CTNS: variants seen among roughly 807,000 people sequenced by gnomAD.
CTNS encodes cystinosin.
Under a neutral mutation model 43.7 loss-of-function variants are expected in CTNS, and 27 were observed. The observed-to-expected ratio is 0.62, with a 90% CI of 0.46 to 0.85. The LOEUF (loss-of-function observed/expected upper bound fraction) is 0.85, where lower values mean the gene tolerates loss of function less well. CTNS is among the 40% of genes least tolerant of loss of function. The pLI is 0.00. For missense variants in CTNS, 457 were observed against 475.4 expected, an observed-to-expected ratio of 0.96 and a Z score of 0.36; for synonymous variants, 187 against 190.6, an observed-to-expected ratio of 0.98 and a Z score of 0.16.
intron 5 of CTNS, chr17:3,650,542 C>T (rs1159250378): frequency 2.0e-6 from 1 of 500,272 alleles, no homozygotes; most frequent in Non-Finnish European, 3.3e-6. Context: ...GAGGGGATCT[C>T]GGAGTGTCCA....
At chr17:3,640,410 G>GTCTGCTCCACCACCCCA in intron 3 of CTNS, 143 bp downstream of exon 3, 2 of 953,162 alleles carry the variant, frequency 2.1e-6, no homozygotes, top group Non-Finnish European at 3.4e-6. Context: ...TGGCCACTGG[G>GTCTGCTCCACCACCCCA]GTGGTGGAGC....
chr17:3,645,689 A>C (rs1212900477), intron 3 of CTNS, among the ~76,000 whole-genome samples: 1 of 151,814 alleles, frequency 6.6e-6, no homozygotes, highest in African/African-American at 2.4e-5. Flanking sequence ...GTGAAACCTC[A>C]TCTCTACTAA....
At position 3,658,844 on chromosome 17, in the gene CTNS, C is replaced by A. The variant is rs368896926; in HGVS notation, c.852+669C>A. Among the ~76,000 whole-genome samples, 173 of 152,242 alleles carry A rather than the reference C, an allele frequency of 1.1e-3. 3 individuals carry two copies. In the South Asian group the frequency reaches 0.021, roughly 18 times the overall value. On this transcript the variant is annotated intron_variant, in intron 10 of 11. Coordinates refer to ENST00000046640, the MANE Select transcript of CTNS (RefSeq NM_004937.3). The stretch of plus-strand genomic sequence containing the variant: ...AAGTTCTGTGGCCAAGGAGCCCGGG[C>A]GTTCCGGGCCAGGCCAGCCTGCACA...
chr17:3,653,416 CAT>C (rs2076039112), intron 5 of CTNS, among the ~76,000 whole-genome samples: 1 of 152,030 alleles, frequency 6.6e-6, no homozygotes, highest in Non-Finnish European at 1.5e-5. Context: ...CATCTCAAAA[CAT>C]ATATAATAAT....
intron 2 of CTNS, among the ~76,000 whole-genome samples, chr17:3,638,357 C>T (rs980253969): frequency 4.6e-5 from 7 of 152,038 alleles, no homozygotes; most frequent in Non-Finnish European, 1.0e-4. Flanking sequence ...CCTGCCTCAG[C>T]CTCCTGAGTA....
chr17:3,656,807 C>T lies in CTNS; in HGVS notation c.681+12C>T, dbSNP rs1287008972. ...GCTGCCTGTATGAGGTGAGACCAGC[C>T]CTGGCCCCCCACAGGCCACCCCAGC... On this transcript the variant is annotated intron_variant, in intron 9 of 11. Coordinates refer to ENST00000046640, the MANE Select transcript of CTNS (RefSeq NM_004937.3). 1 of 1,612,972 alleles carries T rather than the reference C, an allele frequency of 6.2e-7. No individual in the cohort carries two copies. Among genetic ancestry groups the T allele is most frequent in the South Asian group, 1.1e-5 (1 of 91,054 alleles).
Position 3,660,496 on chromosome 17 carries a change from A to G in CTNS, c.*127A>G, listed in dbSNP as rs2076259496. The G allele has an allele frequency of 6.2e-7, 1 of 1,612,466 alleles. No individual in the cohort carries two copies. Among genetic ancestry groups the G allele is most frequent in the Non-Finnish European group, 8.5e-7 (1 of 1,179,914 alleles). On this transcript the variant is annotated 3_prime_UTR_variant, in exon 12 of 12. Coordinates refer to ENST00000046640, the MANE Select transcript of CTNS (RefSeq NM_004937.3). ...CTGGCTCAGTGTGCGGACAGAGGAG[A>G]CCACTCTGCTCCTGGGGCCAGAGGC...
At chr17:3,644,675 A>G (rs1261037748) in intron 3 of CTNS, among the ~76,000 whole-genome samples, 1 of 152,170 alleles carries the variant, frequency 6.6e-6, no homozygotes, top group Non-Finnish European at 1.5e-5. Flanking sequence ...TATGTTAGCC[A>G]GGATGGTCTC....
chr17:3,660,522 C>T lies in CTNS; in HGVS notation c.*153C>T. 6.2e-7 allele frequency: 1 copy of T among 1,612,504 alleles called. No individual in the cohort carries two copies. Among genetic ancestry groups the T allele is most frequent in the South Asian group, 1.1e-5 (1 of 90,920 alleles). The stretch of plus-strand genomic sequence containing the variant: ...CCACTCTGCTCCTGGGGCCAGAGGC[C>T]ATTCAATAGCCTGCCTTCGTCCGGG... On this transcript the variant is annotated 3_prime_UTR_variant, in exon 12 of 12. Coordinates refer to ENST00000046640, the MANE Select transcript of CTNS (RefSeq NM_004937.3).
intron 3 of CTNS, 50 bp from the exon 4 acceptor site, chr17:3,647,394 G>A: frequency 6.6e-7 from 1 of 1,526,230 alleles, no homozygotes; most frequent in Non-Finnish European, 9.1e-7. Flanking sequence ...TTCTGTCACA[G>A]GCCTGAACTC....
At chr17:3,657,721 A>C (rs1045396809) in intron 9 of CTNS, 11 of 518,458 alleles carry the variant, frequency 2.1e-5, no homozygotes, top group African/African-American at 2.1e-4. Context: ...GGAACAAAGC[A>C]GACAGAGCTT....
At chr17:3,647,089 C>G (rs763353315) in intron 3 of CTNS, among the ~76,000 whole-genome samples, 3 of 152,206 alleles carry the variant, frequency 2.0e-5, no homozygotes, top group African/African-American at 7.2e-5. Context: ...AGGTGGTTCA[C>G]GGCTGCCTTT....
chr17:3,638,676 T>G (rs909505378), intron 2 of CTNS, among the ~76,000 whole-genome samples: 12 of 152,218 alleles, frequency 7.9e-5, no homozygotes, highest in Non-Finnish European at 1.2e-4. Context: ...GAGAAGCTGG[T>G]TAGGCCTGAT....
At position 3,647,446 on chromosome 17, in the gene CTNS, T is replaced by A. The variant is rs2075869212; in HGVS notation, c.64T>A (p.Ser22Thr). 6.2e-7 allele frequency: 1 copy of A among 1,613,736 alleles called. No homozygotes were observed. Among genetic ancestry groups the A allele is most frequent in the African/African-American group, 1.3e-5 (1 of 74,956 alleles). ...FPLKLVEKCE[S>T]SVSLTVPPVV... is the part of the protein sequence containing the mutation. ...GTCATTGATTTGGGTCCTTCCAGAG[T>A]CAAGCGTCAGCCTCACTGTTCCTCC... is the stretch of plus-strand genomic sequence containing the variant. Residue 22 changes from serine to threonine, a missense_variant and splice_region_variant, in exon 4 of 12, where the codon TCA (serine) becomes ACA (threonine). By Grantham distance (58) the Ser-to-Thr change is moderately conservative (BLOSUM62 1). Coordinates refer to ENST00000046640, the MANE Select transcript of CTNS (RefSeq NM_004937.3).
intron 7 of CTNS, chr17:3,656,083 A>AC (rs2076125609): frequency 3.8e-4 from 16 of 42,028 alleles, no homozygotes; most frequent in Middle Eastern, 0.01. Context: ...ATGCCCTTCC[A>AC]CCCCCGCCAG....
intron 3 of CTNS, among the ~76,000 whole-genome samples, chr17:3,646,933 G>A (rs1377407653): frequency 6.6e-6 from 1 of 152,206 alleles, no homozygotes; most frequent in Non-Finnish European, 1.5e-5. Flanking sequence ...GGTGAGCTGG[G>A]TTGGGAAGGG....
chr17:3,638,547 G>GT (rs1014153405), intron 2 of CTNS, among the ~76,000 whole-genome samples: 3 of 152,104 alleles, frequency 2.0e-5, no homozygotes, highest in South Asian at 4.1e-4. Context: ...CTAATCTGAT[G>GT]TTTTTTAACA....
chr17:3,661,993 T>C lies in CTNS; in HGVS notation c.*1624T>C, dbSNP rs961179368. On this transcript the variant is annotated 3_prime_UTR_variant, in exon 12 of 12. Transcript: ENST00000046640. ...GTAAATGTGTTACTGGGTGCCCTAC[T>C]TTAAAAATCAGAGATTTCAAATGAT... Among the ~76,000 whole-genome samples, 2 of 152,190 alleles carry C rather than the reference T, an allele frequency of 1.3e-5. No homozygotes were observed. The highest frequency in any genetic ancestry group is 2.9e-5 in the Non-Finnish European group (2 of 68,028).
chr17:3,648,923 C>T lies in CTNS; in HGVS notation c.217C>T (p.Pro73Ser). ...CAAAAATATTACTATCCTTGAGCTC[C>T]CCGATGAAGTAAGTAACCAATCTTA... Reference protein sequence around the residue: ...RSKNITILELPDEVVVPPGVT... With the variant: ...RSKNITILELSDEVVVPPGVT... The change falls in exon 5 of 12, where the codon CCC (proline) becomes TCC (serine). Residue 73 changes from proline to serine, a missense_variant. Pro to Ser is a moderately conservative substitution (Grantham distance 74). Coordinates refer to ENST00000046640, the MANE Select transcript of CTNS (RefSeq NM_004937.3). 1 of 1,610,988 alleles carries T rather than the reference C, an allele frequency of 6.2e-7. No individual in the cohort carries two copies. The highest frequency in any genetic ancestry group is 1.1e-5 in the South Asian group (1 of 91,006).
Sources: allele counts gnomAD v4.1 joint callset (sites outside exome capture counted in the v4.1 genomes callset), GRCh38; gene constraint gnomAD v4.1.1; transcripts MANE v1.5; gene names NCBI Gene and HGNC (gene_info 2026-07-23, HGNC 2026-07-21).